The following TYMP variants were observed in gnomAD, a reference collection of about 807,000 sequenced individuals.
TYMP encodes the protein thymidine phosphorylase, also known as gliostatin.
In TYMP, 46 loss-of-function variants were observed where a neutral mutation model predicts 42.3. The observed-to-expected ratio is 1.09, with a 90% confidence interval of 0.86 to 1.39. The LOEUF is 1.39. TYMP is among the 40% of genes most tolerant of loss of function. TYMP has a pLI of 0.00. For synonymous variants in TYMP, 363 were observed against 308.0 expected, an observed-to-expected ratio of 1.18 and a Z score of -1.87; for missense variants, 837 against 677.6, an observed-to-expected ratio of 1.24 and a Z score of -2.61.
At chr22:50,527,511 T>TCAAGTC in intron 5 of TYMP, 77 bp downstream of exon 5, 1 of 1,609,796 alleles carries the variant, frequency 6.2e-7, no homozygotes, top group Non-Finnish European at 8.5e-7. Context: ...GGGTAACTCC[T>TCAAGTC]AACGAGAGGC....
chr22:50,527,714 G>A lies in TYMP; in HGVS notation c.520C>T (p.Gln174Ter), dbSNP rs2069446068. The change falls in exon 5 of 10, where the codon CAA becomes TAA. Residue 174 changes from glutamine to a stop codon, truncating the protein, a stop_gained. Coordinates refer to ENST00000252029, the MANE Select transcript of TYMP (RefSeq NM_001953.5). LOFTEE classifies it high-confidence loss of function. ...FNVIQSPEQM[Q>*]VLLDQAGCCI... ...CAGCCCGCCTGGTCCAGCAGCACTTGCATCTGGTCAGACATCCCCTGTTCT... is the reference window on the plus strand; with the variant it reads ...CAGCCCGCCTGGTCCAGCAGCACTTACATCTGGTCAGACATCCCCTGTTCT... The A allele has an allele frequency of 2.5e-6, 4 of 1,611,752 alleles. No homozygotes were observed. Among genetic ancestry groups the A allele is most frequent in the Non-Finnish European group, 3.4e-6 (4 of 1,179,484 alleles).
chr22:50,529,726 G>A lies in TYMP; in HGVS notation c.-10-7C>T. ...GGCTGCCATCGCTCCGGGCCTGCGGGGATGCCTGACACGTCCGGGGTCTGC... is the reference window on the plus strand; with the variant it reads ...GGCTGCCATCGCTCCGGGCCTGCGGAGATGCCTGACACGTCCGGGGTCTGC... On this transcript the variant is annotated splice_polypyrimidine_tract_variant and splice_region_variant and intron_variant, in intron 1 of 9. Coordinates refer to ENST00000252029, the MANE Select transcript of TYMP (RefSeq NM_001953.5). The A allele has an allele frequency of 6.2e-7, 1 of 1,602,004 alleles. No individual in the cohort carries two copies. The highest frequency in any genetic ancestry group is 8.5e-7 in the Non-Finnish European group (1 of 1,175,128).
In TYMP at chr22:50,525,833, G is replaced by A. The variant is rs1260447331; in HGVS notation, c.1386C>T (p.Ser462=). The A allele has an allele frequency of 6.2e-7, 1 of 1,609,160 alleles. No individual in the cohort carries two copies. Among genetic ancestry groups the A allele is most frequent in the South Asian group, 1.1e-5 (1 of 90,892 alleles). Residue 462 remains serine (S), a synonymous_variant, in exon 10 of 10, where the codon TCC becomes TCT. Transcript: ENST00000252029. ...SRALQEALVL[S]DRAPFAAPSP... ...AGGGGGCGGCGAATGGCGCGCGGTC[G>A]GAGAGTACGAGCGCCTCCTGCAGGG...
Position 50,529,121 on chromosome 22 carries a change from G to T in TYMP, c.417+15C>A. On this transcript the variant is annotated intron_variant, in intron 3 of 9. Transcript: ENST00000252029. ...GCGGTATAGGCTCCCGTCTGGAAAGGAGGTGGTTTCTAACCTTGCAGCCAC... is the reference window on the plus strand; with the variant it reads ...GCGGTATAGGCTCCCGTCTGGAAAGTAGGTGGTTTCTAACCTTGCAGCCAC... The T allele has an allele frequency of 6.2e-7, 1 of 1,612,768 alleles. No homozygotes were observed. The highest frequency in any genetic ancestry group is 8.5e-7 in the Non-Finnish European group (1 of 1,179,826).
chr22:50,527,841 T>C, intron 4 of TYMP, 124 bp from the exon 5 acceptor site: 3 of 1,296,564 alleles, frequency 2.3e-6, no homozygotes, highest in Non-Finnish European at 3.2e-6. Flanking sequence ...GTTGGCACAA[T>C]TTCGGCTCAT....
At position 50,529,575 on chromosome 22, in the gene TYMP, G is replaced by A. The variant is rs1035604323; in HGVS notation, c.135C>T (p.Asp45=). The change falls in exon 2 of 10, where the codon GAC becomes GAT. Residue 45 remains aspartate, a synonymous_variant. Coordinates refer to ENST00000252029, the MANE Select transcript of TYMP (RefSeq NM_001953.5). ...QLPELIRMKR[D]GGRLSEADIR... ...TGTCCGCTTCGCTCAGGCGGCCTCC[G>A]TCTCGCTTCATGCGGATCAGCTCCG... The A allele has an allele frequency of 2.5e-6, 4 of 1,613,028 alleles. No individual in the cohort carries two copies. Among genetic ancestry groups the A allele is most frequent in the Admixed American group, 1.7e-5 (1 of 60,002 alleles).
At chr22:50,528,670 C>T (rs1038583170) in intron 3 of TYMP, 60 bp from the exon 4 acceptor site, 2 of 1,326,352 alleles carry the variant, frequency 1.5e-6, no homozygotes, top group Non-Finnish European at 1.1e-6. Context: ...CTGTGCATCC[C>T]TTCACCTTCC....
rs1340916014 is a variant in TYMP, at chr22:50,529,758, C to T, written c.-10-39G>A. 3.2e-6 allele frequency: 5 copies of T among 1,556,214 alleles called. No homozygotes were observed. The Admixed American group carries it at 9.3e-5, about 29-fold the overall frequency. ...TGACACGTCCGGGGTCTGCGGCCTC[C>T]CGGCGTCGGTGTCTGAGCCACGTGC... On this transcript the variant is annotated intron_variant, in intron 1 of 9. Transcript: ENST00000252029.
At position 50,527,694 on chromosome 22, in the gene TYMP, C is replaced by G; in HGVS notation, c.540G>C (p.Ala180=). 3 of 1,613,766 alleles carry G rather than the reference C, an allele frequency of 1.9e-6. No homozygotes were observed. The highest frequency in any genetic ancestry group is 4.5e-5 in the East Asian group (2 of 44,878). The change falls in exon 5 of 10, where the codon GCG becomes GCC. Residue 180 remains alanine, a synonymous_variant. Coordinates refer to ENST00000252029, the MANE Select transcript of TYMP (RefSeq NM_001953.5). The stretch of plus-strand genomic sequence containing the variant: ...CACTCTGACCCACGATACAGCAGCC[C>G]GCCTGGTCCAGCAGCACTTGCATCT... ...PEQMQVLLDQ[A]GCCIVGQSEQ...
chr22:50,527,952 C>G (rs558031018), intron 4 of TYMP: 7 of 544,134 alleles, frequency 1.3e-5, no homozygotes, highest in African/African-American at 2.0e-5. Context: ...TTTTTTTCTT[C>G]TTTTTTTTGT....
intron 4 of TYMP, 54 bp downstream of exon 4, chr22:50,528,458 G>T (rs2148681600): frequency 1.4e-6 from 2 of 1,456,224 alleles, no homozygotes; most frequent in Non-Finnish European, 9.6e-7. Flanking sequence ...AGTGATTCTG[G>T]CCAGGGTCTC....
rs899800865 is a variant in TYMP at position 50,529,414 on chromosome 22, C to T, written c.215-76G>A. On this transcript the variant is annotated intron_variant, in intron 2 of 9. Coordinates refer to ENST00000252029, the MANE Select transcript of TYMP (RefSeq NM_001953.5). The stretch of plus-strand genomic sequence containing the variant: ...CCTGGGGCCGGTGCTGGTAGTGGGG[C>T]ACCGTCGCACCCCCAGGGACCCAAA... The T allele has an allele frequency of 3.1e-6, 5 of 1,602,562 alleles. No homozygotes were observed. The East Asian group carries it at 6.7e-5, about 21-fold the overall frequency.
At chr22:50,526,534 A>C (rs1569522195) in intron 7 of TYMP, 42 bp downstream of exon 7, 1 of 1,541,056 alleles carries the variant, frequency 6.5e-7, no homozygotes, top group South Asian at 1.2e-5. Context: ...AGCGGGAAGC[A>C]CCCCCCGCCG....
chr22:50,528,036 G>C (rs904544797), intron 4 of TYMP: 1 of 414,712 alleles, frequency 2.4e-6, no homozygotes. Flanking sequence ...TGCTGGGACA[G>C]GGTCTCACTC....
intron 6 of TYMP, 42 bp downstream of exon 6, chr22:50,527,123 C>G (rs781354758): frequency 2.0e-6 from 3 of 1,500,632 alleles, no homozygotes; most frequent in Non-Finnish European, 2.8e-6. Flanking sequence ...TAGGCTGGGC[C>G]CGCATCAAGA....
At chr22:50,526,548 C>T (rs970606277) in intron 7 of TYMP, 28 bp downstream of exon 7, 20 of 1,551,372 alleles carry the variant, frequency 1.3e-5, no homozygotes, top group Non-Finnish European at 1.6e-5. Flanking sequence ...CCCGCCGCCT[C>T]CGCTCCCCTA....
rs1603442050 is a variant in TYMP, at chr22:50,529,190, C to T, written c.363G>A (p.Val121=). ...QLVDKHSTGG[V]GDKVSLVLAP... ...CGAGGACCAGGCTGACCTTGTCACCCACACCCCCTGTGGAATGCTTGTCCA... is the reference window on the plus strand; with the variant it reads ...CGAGGACCAGGCTGACCTTGTCACCTACACCCCCTGTGGAATGCTTGTCCA... Residue 121 remains valine (V), a synonymous_variant, in exon 3 of 10, where the codon GTG becomes GTA. Transcript: ENST00000252029. 1 of 1,613,192 alleles carries T rather than the reference C, an allele frequency of 6.2e-7. No individual in the cohort carries two copies. The highest frequency in any genetic ancestry group is 1.3e-5 in the African/African-American group (1 of 74,926).
chr22:50,528,856 C>A, intron 3 of TYMP: 1 of 612,410 alleles, frequency 1.6e-6, no homozygotes, highest in Non-Finnish European at 2.9e-6. Context: ...CTCAGCTCCT[C>A]CCTTGGGGGA....
chr22:50,528,710 G>A (rs561187291), intron 3 of TYMP, 100 bp from the exon 4 acceptor site: 2 of 970,352 alleles, frequency 2.1e-6, no homozygotes, highest in Admixed American at 2.0e-5. Context: ...GATTTGGAAA[G>A]TATTTAAGCA....
Sources: allele counts gnomAD v4.1 joint callset, GRCh38; gene constraint gnomAD v4.1.1; transcripts MANE v1.5; gene names NCBI Gene and HGNC (gene_info 2026-07-23, HGNC 2026-07-21).